Variants in STRBP observed in about 807,000 individuals in gnomAD.
STRBP encodes spermatid perinuclear RNA binding protein, also known as spermatid perinuclear RNA-binding protein.
STRBP carries 13 observed loss-of-function variants against 80.1 expected under a neutral mutation model. The observed-to-expected ratio is 0.16, with a 90% CI of 0.11 to 0.26. The LOEUF is 0.26. Ranked by LOEUF, STRBP falls within the 10% of genes least tolerant of loss-of-function variation. The pLI is 1.00. For missense variants in STRBP, 485 were observed against 815.2 expected (o/e 0.59, Z 4.93); for synonymous variants, 284 against 291.2 (o/e 0.98, Z 0.25).
chr9:123,129,055 T>C (rs546331079), intron 17 of STRBP, among the ~76,000 whole-genome samples: 2 of 152,314 alleles, frequency 1.3e-5, no homozygotes, highest in African/African-American at 4.8e-5. Context: ...ATAGGTAATA[T>C]GTAGATAAAA....
At chr9:123,141,709 C>T (rs2036596908) in intron 13 of STRBP, among the ~76,000 whole-genome samples, 2 of 152,168 alleles carry the variant, frequency 1.3e-5, no homozygotes, top group African/African-American at 4.8e-5. Context: ...ATATCAGATT[C>T]ACTTATTATT....
chr9:123,199,582 T>C (rs938955524), intron 2 of STRBP, among the ~76,000 whole-genome samples: 3 of 152,222 alleles, frequency 2.0e-5, no homozygotes, highest in African/African-American at 4.8e-5. Context: ...GTTCTCCTTG[T>C]AGAGATCTTT....
At chr9:123,251,245 A>AAGG (rs1554772931) in intron 1 of STRBP, among the ~76,000 whole-genome samples, 1 of 150,884 alleles carries the variant, frequency 6.6e-6, no homozygotes, top group Non-Finnish European at 1.5e-5. Flanking sequence ...GAAGAAGAAG[A>AAGG]AGGAGAAGGA....
rs180682101 is a variant in STRBP at position 123,212,359 on chromosome 9, A to T, written c.-165+24471T>A. Among the ~76,000 whole-genome samples, 279 of 152,340 alleles carry T rather than the reference A, an allele frequency of 1.8e-3. 1 individual carries two copies. The highest frequency in any genetic ancestry group is 3.0e-3 in the Non-Finnish European group (202 of 68,024). On this transcript the variant is annotated intron_variant, in intron 2 of 18. Transcript: ENST00000348403. ...GATAAGCATTTGTCGAATGATTTTC[A>T]TATGTAAAATGGATCTCTTGCCTGA...
chr9:123,268,451 C>G lies in STRBP; in HGVS notation c.-317G>C, dbSNP rs2041328412. 1 of 157,808 alleles carries G rather than the reference C, an allele frequency of 6.3e-6. No individual in the cohort carries two copies. The highest frequency in any genetic ancestry group is 1.4e-5 in the Non-Finnish European group (1 of 73,384). The allele number at this position is 157,808 out of a possible 1,614,324, so 9.8% of individuals were successfully genotyped here. ...CGGAGCCTACCCGCGCCGCCGCGCT[C>G]TGCCCGCGCCCGGTACCCGCTCCCG... On this transcript the variant is annotated 5_prime_UTR_variant, in exon 1 of 19. Transcript: ENST00000348403.
chr9:123,227,938 C>G (rs1430628054), intron 2 of STRBP, among the ~76,000 whole-genome samples: 1 of 152,096 alleles, frequency 6.6e-6, no homozygotes, highest in Non-Finnish European at 1.5e-5. Flanking sequence ...AGCAGAGGAT[C>G]TAATTAGAAA....
chr9:123,257,000 T>C (rs1054451051), intron 1 of STRBP, among the ~76,000 whole-genome samples: 3 of 151,624 alleles, frequency 2.0e-5, no homozygotes, highest in Non-Finnish European at 2.9e-5. Context: ...CCACGTAACA[T>C]TGTCAAACTC....
intron 2 of STRBP, among the ~76,000 whole-genome samples, chr9:123,198,297 G>C (rs1245089224): frequency 2.0e-5 from 3 of 151,942 alleles, no homozygotes; most frequent in Non-Finnish European, 2.9e-5. Flanking sequence ...CATCATGCCA[G>C]GCTAATTTTT....
chr9:123,168,244 T>G, intron 6 of STRBP: 6 of 982,538 alleles, frequency 6.1e-6, no homozygotes, highest in Non-Finnish European at 7.3e-6. Context: ...CTACAGTTAA[T>G]GGTGAACTGT....
At chr9:123,181,980 C>T (rs893219821) in intron 3 of STRBP, among the ~76,000 whole-genome samples, 3 of 151,584 alleles carry the variant, frequency 2.0e-5, no homozygotes, top group East Asian at 1.9e-4. Flanking sequence ...CTTTGGCTCA[C>T]GAGGAGGGTG....
At chr9:123,180,909 A>G in intron 3 of STRBP, 1 of 984,360 alleles carries the variant, frequency 1.0e-6, no homozygotes, top group Middle Eastern at 5.2e-4. Context: ...TTTGTTTTGA[A>G]GTCCATCGCA....
At chr9:123,200,019 T>G (rs1001491513) in intron 2 of STRBP, among the ~76,000 whole-genome samples, 4 of 152,310 alleles carry the variant, frequency 2.6e-5, no homozygotes, top group Admixed American at 6.5e-5. Flanking sequence ...TAGACGGCTT[T>G]TATTATTTTA....
At chr9:123,177,088 G>A (rs992655495) in intron 4 of STRBP, among the ~76,000 whole-genome samples, 32 of 152,166 alleles carry the variant, frequency 2.1e-4, no homozygotes, top group African/African-American at 7.5e-4. Context: ...CACAATATAT[G>A]TTTATTACCA....
intron 5 of STRBP, among the ~76,000 whole-genome samples, chr9:123,172,023 C>G (rs1236155064): frequency 6.6e-6 from 1 of 152,188 alleles, no homozygotes; most frequent in East Asian, 1.9e-4. Flanking sequence ...AGAGAAAGCT[C>G]TAACAATGCC....
chr9:123,112,629 GCCA>G (rs1378055382), intron 3 of STRBP: 2 of 167,424 alleles, frequency 1.2e-5, no homozygotes. Context: ...CCTCAATGCA[GCCA>G]CCACGTCTGA....
At chr9:123,185,443 T>A (rs1357752832) in intron 2 of STRBP, among the ~76,000 whole-genome samples, 1 of 152,096 alleles carries the variant, frequency 6.6e-6, no homozygotes, top group Non-Finnish European at 1.5e-5. Flanking sequence ...TTCTAATAAA[T>A]GGGACTTACT....
intron 2 of STRBP, among the ~76,000 whole-genome samples, chr9:123,208,642 T>C (rs1341579509): frequency 1.3e-5 from 2 of 152,194 alleles, no homozygotes; most frequent in Non-Finnish European, 1.5e-5. Context: ...ACAGTATTGC[T>C]TACCCCAGCT....
At chr9:123,173,327 A>C (rs1049723517) in intron 5 of STRBP, among the ~76,000 whole-genome samples, 2 of 152,238 alleles carry the variant, frequency 1.3e-5, no homozygotes, top group African/African-American at 4.8e-5. Context: ...GAAAGTATCT[A>C]GGCTGTTTTC....
At chr9:123,157,254 CAGTT>C (rs1244907800) in intron 11 of STRBP, among the ~76,000 whole-genome samples, 24 of 152,146 alleles carry the variant, frequency 1.6e-4, no homozygotes, top group Admixed American at 1.3e-4. Flanking sequence ...CTTTCTTTCT[CAGTT>C]AGATAACATT....
Sources: allele counts gnomAD v4.1 joint callset (sites outside exome capture counted in the v4.1 genomes callset), GRCh38; gene constraint gnomAD v4.1.1; transcripts MANE v1.5; gene names NCBI Gene and HGNC (gene_info 2026-07-23, HGNC 2026-07-21).